The following SERPINA11 variants were observed in gnomAD, a reference collection of about 807,000 sequenced individuals.
The protein encoded by SERPINA11 is serpin family A member 11.
Under a neutral mutation model 29.4 loss-of-function variants are expected in SERPINA11, and 28 were observed. The observed-to-expected ratio is 0.95, with a 90% CI of 0.70 to 1.30. The LOEUF is 1.30. Among genes scored for constraint, SERPINA11 ranks in the 50% most tolerant of loss-of-function variants. The pLI, the probability that SERPINA11 is intolerant of heterozygous loss-of-function variation, is 0.00. For synonymous variants in SERPINA11, 253 were observed against 206.6 expected (o/e 1.22, Z -1.92); for missense variants, 530 against 507.3 (o/e 1.04, Z -0.43).
Position 94,448,597 on chromosome 14 carries a change from G to T in SERPINA11, c.178C>A (p.Arg60Ser), listed in dbSNP as rs199659692. Residue 60 changes from arginine (R) to serine (S), a missense_variant, in exon 2 of 5, where the codon CGT becomes AGT. Physicochemically the swap from Arg to Ser is moderately radical, Grantham distance 110. Coordinates refer to ENST00000334708, the MANE Select transcript of SERPINA11 (RefSeq NM_001080451.2). Reference protein sequence around the residue: ...ITPTITNFALRLYKELAADAP... With the variant: ...ITPTITNFALSLYKELAADAP... ...TCTGCTGCCAGCTCTTTATACAAACGCAAAGCAAAATTGGTAATGGTGGGT... is the reference window on the plus strand; with the variant it reads ...TCTGCTGCCAGCTCTTTATACAAACTCAAAGCAAAATTGGTAATGGTGGGT... 6.2e-7 allele frequency: 1 copy of T among 1,613,762 alleles called. No homozygotes were observed. The highest frequency in any genetic ancestry group is 1.7e-4 in the Middle Eastern group (1 of 6,058).
rs373188387 is a variant in SERPINA11, at chr14:94,448,417, G to A, written c.358C>T (p.Arg120Trp). 42 of 1,613,978 alleles carry A rather than the reference G, an allele frequency of 2.6e-5. No homozygotes were observed. The highest frequency in any genetic ancestry group is 1.0e-4 in the Admixed American group (6 of 59,996). ...AGGGCAAGGGTGTGGAGGAGGCTCC[G>A]GAAGCCCTGGTGGATGTCGGCTTCA... ...TPEADIHQGF[R>W]SLLHTLALPS... The change falls in exon 2 of 5, where the codon CGG becomes TGG. Residue 120 changes from arginine (R) to tryptophan (W), a missense_variant. Transcript: ENST00000334708.
chr14:94,448,155 A>G lies in SERPINA11; in HGVS notation c.620T>C (p.Leu207Pro). ...ACCTTTGAAGAAGATGTAATTGGCAAGAACCATGAACGTGTCCTGGCTGAA... is the reference window on the plus strand; with the variant it reads ...ACCTTTGAAGAAGATGTAATTGGCAGGAACCATGAACGTGTCCTGGCTGAA... ...PEFSQDTFMV[L>P]ANYIFFKAKW... is the part of the protein sequence containing the mutation. Residue 207 changes from leucine (L) to proline (P), a missense_variant, in exon 2 of 5, where the codon CTT becomes CCT. Physicochemically the swap from Leu to Pro is moderately conservative, Grantham distance 98 (BLOSUM62 -3). Transcript: ENST00000334708. The G allele has an allele frequency of 6.2e-7, 1 of 1,613,948 alleles. No individual in the cohort carries two copies. Among genetic ancestry groups the G allele is most frequent in the South Asian group, 1.1e-5 (1 of 91,084 alleles).
chr14:94,447,303 C>T (rs761975961), intron 2 of SERPINA11, among the ~76,000 whole-genome samples: 2 of 152,186 alleles, frequency 1.3e-5, no homozygotes, highest in Non-Finnish European at 2.9e-5. Context: ...CCACAAACAC[C>T]TCTTGCAAGC....
At chr14:94,452,299 C>T (rs1029509091) in intron 1 of SERPINA11, among the ~76,000 whole-genome samples, 1 of 152,126 alleles carries the variant, frequency 6.6e-6, no homozygotes, top group African/African-American at 2.4e-5. Flanking sequence ...TTAGGACAAG[C>T]CGCCTGGTGA....
chr14:94,442,924 A>T lies in SERPINA11; in HGVS notation c.1066-115T>A, dbSNP rs141542437. On this transcript the variant is annotated intron_variant, in intron 4 of 4. Coordinates refer to ENST00000334708, the MANE Select transcript of SERPINA11 (RefSeq NM_001080451.2). ...CTAAGGAAGGGGAGGTAGAGAAGGA[A>T]AAGCCCATGAAGAGATGCCTTAAAG... 2.3e-3 allele frequency: 2,910 copies of T among 1,267,198 alleles called. 6 individuals are homozygous for T. Among genetic ancestry groups the T allele is most frequent in the Non-Finnish European group, 2.7e-3 (2,423 of 910,900 alleles). 78.5% of individuals were successfully genotyped at this position (1,267,198 alleles called of 1,614,324 possible). A position where few individuals can be genotyped will look rare whatever the true frequency, so the allele number is the denominator to read the frequency against.
chr14:94,451,156 C>G (rs549362734), intron 1 of SERPINA11, among the ~76,000 whole-genome samples: 1 of 152,218 alleles, frequency 6.6e-6, no homozygotes, highest in Non-Finnish European at 1.5e-5. Flanking sequence ...ATTGCAAATG[C>G]TGCGACAGTG....
chr14:94,444,304 C>T (rs1055307933), intron 3 of SERPINA11, among the ~76,000 whole-genome samples: 1 of 152,108 alleles, frequency 6.6e-6, no homozygotes, highest in Non-Finnish European at 1.5e-5. Context: ...GCTAACCTGC[C>T]TCACATCTGA....
intron 1 of SERPINA11, among the ~76,000 whole-genome samples, chr14:94,451,817 C>T (rs910927568): frequency 6.6e-6 from 1 of 152,220 alleles, no homozygotes; most frequent in South Asian, 2.1e-4. Context: ...CGAAAGTACT[C>T]AATGGCAGTT....
Position 94,448,438 on chromosome 14 carries a change from C to T in SERPINA11, c.337G>A (p.Ala113Thr). 1.2e-6 allele frequency: 2 copies of T among 1,614,164 alleles called. No individual in the cohort carries two copies. Among genetic ancestry groups the T allele is most frequent in the Non-Finnish European group, 1.7e-6 (2 of 1,180,032 alleles). Residue 113 changes from alanine (A) to threonine (T), a missense_variant, in exon 2 of 5, where the codon GCC becomes ACC. Coordinates refer to ENST00000334708, the MANE Select transcript of SERPINA11 (RefSeq NM_001080451.2). Reference sequence around the variant, plus strand: ...CTCCGGAAGCCCTGGTGGATGTCGGCTTCAGGGGTTTCTGTGAGGTTGAAT... The same window carrying T: ...CTCCGGAAGCCCTGGTGGATGTCGGTTTCAGGGGTTTCTGTGAGGTTGAAT... ...LGFNLTETPE[A>T]DIHQGFRSLL...
Position 94,445,713 on chromosome 14 carries a change from C to A in SERPINA11, c.917+618G>T, listed in dbSNP as rs574104091. Among the ~76,000 whole-genome samples, 9 of 151,648 alleles carry A rather than the reference C, an allele frequency of 5.9e-5. No homozygotes were observed. In the South Asian group the frequency reaches 8.5e-4, roughly 14 times the overall value. On this transcript the variant is annotated intron_variant, in intron 3 of 4. Transcript: ENST00000334708. ...CCTCCCATGTAGTTGGGACTATAGG[C>A]ATGCATCAACATGTCCAGCTATATA...
intron 2 of SERPINA11, among the ~76,000 whole-genome samples, chr14:94,447,923 C>T (rs1595654267): frequency 6.6e-6 from 1 of 152,206 alleles, no homozygotes; most frequent in East Asian, 1.9e-4. Context: ...CACCCAATGC[C>T]TATGCAAGGA....
At chr14:94,442,939 A>T in intron 4 of SERPINA11, 130 bp from the exon 5 acceptor site, 9 of 1,264,026 alleles carry the variant, frequency 7.1e-6, no homozygotes, top group Non-Finnish European at 9.9e-6. Flanking sequence ...CCATGAAGAG[A>T]TGCCTTAAAG....
At chr14:94,445,979 G>A (rs559431338) in intron 3 of SERPINA11, among the ~76,000 whole-genome samples, 3 of 152,226 alleles carry the variant, frequency 2.0e-5, no homozygotes, top group Middle Eastern at 3.4e-3. Context: ...GGTGGGGAGA[G>A]AGGAAAGCAA....
chr14:94,448,826 T>C (rs1361838980), intron 1 of SERPINA11, 49 bp from the exon 2 acceptor site: 1 of 1,478,884 alleles, frequency 6.8e-7, no homozygotes, highest in East Asian at 2.3e-5. Flanking sequence ...AATAATGTCA[T>C]GATTCTCTAT....
At chr14:94,446,872 C>A (rs17090881) in intron 2 of SERPINA11, among the ~76,000 whole-genome samples, 22,278 of 152,262 alleles carry the variant, frequency 0.15, 2,025 homozygotes, top group East Asian at 0.26. Context: ...ATCTACTAAG[C>A]ACCTTCCATG....
intron 1 of SERPINA11, among the ~76,000 whole-genome samples, chr14:94,449,484 TCTGTC>T (rs1898541863): frequency 1.1e-5 from 1 of 89,660 alleles, no homozygotes; most frequent in African/African-American, 9.1e-5. Flanking sequence ...TTTCTTTCTG[TCTGTC>T]TGTCTTTCTT....
intron 2 of SERPINA11, among the ~76,000 whole-genome samples, chr14:94,447,814 C>T (rs1376715720): frequency 6.6e-6 from 1 of 152,212 alleles, no homozygotes; most frequent in Non-Finnish European, 1.5e-5. Context: ...GCTTCTTCAC[C>T]TGAGTGGATA....
At chr14:94,445,646 G>C (rs933637205) in intron 3 of SERPINA11, among the ~76,000 whole-genome samples, 1 of 152,158 alleles carries the variant, frequency 6.6e-6, no homozygotes, top group African/African-American at 2.4e-5. Flanking sequence ...ATAGCTCACT[G>C]TAACCTCAAA....
At chr14:94,451,923 C>T (rs945773931) in intron 1 of SERPINA11, among the ~76,000 whole-genome samples, 8 of 152,098 alleles carry the variant, frequency 5.3e-5, no homozygotes, top group Non-Finnish European at 7.3e-5. Context: ...GAACTATATT[C>T]GTGAAGTATA....
Sources: allele counts gnomAD v4.1 joint callset (sites outside exome capture counted in the v4.1 genomes callset), GRCh38; gene constraint gnomAD v4.1.1; transcripts MANE v1.5; gene names NCBI Gene and HGNC (gene_info 2026-07-23, HGNC 2026-07-21).